The following KCND2 variants were observed in gnomAD, a reference collection of about 807,000 sequenced individuals.
The protein encoded by KCND2 is potassium voltage-gated channel subfamily D member 2, also known as A-type voltage-gated potassium channel KCND2.
A neutral mutation model predicts 54.4 loss-of-function variants in KCND2; 16 were observed. That is an observed-to-expected ratio of 0.29 (90% CI 0.20 to 0.45). KCND2 has a LOEUF of 0.45. KCND2 is among the 20% of genes least tolerant of loss of function. The pLI is 1.00. For missense variants in KCND2, 486 were observed against 824.2 expected (o/e 0.59, Z 5.02); for synonymous variants, 317 against 310.7 (o/e 1.02, Z -0.21).
At position 120,703,726 on chromosome 7, in the gene KCND2, T is replaced by C. The variant is rs1792431557; in HGVS notation, c.1116-29177T>C. Among the ~76,000 whole-genome samples, 5 of 152,142 alleles carry C rather than the reference T, an allele frequency of 3.3e-5. No individual in the cohort carries two copies. The South Asian group carries it at 1.0e-3, about 31-fold the overall frequency. On this transcript the variant is annotated intron_variant, in intron 1 of 5. Transcript: ENST00000331113. ...CTGCAGGAGGAGAAATGCTGATACA[T>C]TGCAGGTGACACTGGCCACACTGTG...
intron 1 of KCND2, among the ~76,000 whole-genome samples, chr7:120,351,776 C>A (rs886432547): frequency 6.6e-6 from 1 of 151,808 alleles, no homozygotes; most frequent in Non-Finnish European, 1.5e-5. Flanking sequence ...CTGCTATTTT[C>A]TTTTCTTTTC....
At chr7:120,551,661 G>A (rs893973865) in intron 1 of KCND2, among the ~76,000 whole-genome samples, 4 of 152,154 alleles carry the variant, frequency 2.6e-5, no homozygotes, top group East Asian at 1.9e-4. Flanking sequence ...TTCCTTAATA[G>A]GTAAACCATG....
intron 1 of KCND2, among the ~76,000 whole-genome samples, chr7:120,466,150 G>A (rs1024070777): frequency 1.3e-5 from 2 of 152,172 alleles, no homozygotes; most frequent in African/African-American, 2.4e-5. Flanking sequence ...TTGCCCAAAT[G>A]TGTTCTTGGA....
At chr7:120,640,195 T>G (rs1263968937) in intron 1 of KCND2, among the ~76,000 whole-genome samples, 1 of 152,134 alleles carries the variant, frequency 6.6e-6, no homozygotes, top group Non-Finnish European at 1.5e-5. Context: ...TTTTAGATGA[T>G]ATATATAAAT....
At chr7:120,443,241 A>G in intron 1 of KCND2, among the ~76,000 whole-genome samples, 1 of 152,016 alleles carries the variant, frequency 6.6e-6, no homozygotes, top group East Asian at 1.9e-4. Context: ...ATAGAAGAAT[A>G]AATTCTGGCT....
chr7:120,486,782 T>G (rs1802700717), intron 1 of KCND2, among the ~76,000 whole-genome samples: 1 of 151,918 alleles, frequency 6.6e-6, no homozygotes, highest in African/African-American at 2.4e-5. Flanking sequence ...AAAATACTAC[T>G]ACCTACCAAA....
chr7:120,662,190 T>C (rs1432611777), intron 1 of KCND2, among the ~76,000 whole-genome samples: 1 of 152,110 alleles, frequency 6.6e-6, no homozygotes, highest in Non-Finnish European at 1.5e-5. Flanking sequence ...AGAGGTAAAA[T>C]TTTTCCTCCC....
At chr7:120,306,777 T>A (rs1799655879) in intron 1 of KCND2, among the ~76,000 whole-genome samples, 1 of 151,804 alleles carries the variant, frequency 6.6e-6, no homozygotes, top group African/African-American at 2.4e-5. Flanking sequence ...CAATTGAATA[T>A]TTTTTTTAAA....
chr7:120,636,060 A>C (rs1349852665), intron 1 of KCND2, among the ~76,000 whole-genome samples: 2 of 152,180 alleles, frequency 1.3e-5, no homozygotes, highest in Admixed American at 1.3e-4. Flanking sequence ...CTGTCCAAGT[A>C]AAGTGGTTCC....
intron 1 of KCND2, among the ~76,000 whole-genome samples, chr7:120,677,422 G>T (rs112269181): frequency 2.6e-5 from 4 of 151,908 alleles, no homozygotes; most frequent in Non-Finnish European, 4.4e-5. Context: ...AGTCCCAAAG[G>T]TTCCATATCC....
intron 1 of KCND2, among the ~76,000 whole-genome samples, chr7:120,530,811 TC>T (rs1791834369): frequency 6.6e-6 from 1 of 152,164 alleles, no homozygotes; most frequent in Admixed American, 6.6e-5. Context: ...TACCTGCAAT[TC>T]GTTGACACTA....
chr7:120,706,289 T>C (rs1442401912), intron 1 of KCND2, among the ~76,000 whole-genome samples: 2 of 152,126 alleles, frequency 1.3e-5, no homozygotes, highest in African/African-American at 4.8e-5. Context: ...AATAAGGGGA[T>C]TGTTTTAACC....
chr7:120,424,904 A>G (rs542608754), intron 1 of KCND2, among the ~76,000 whole-genome samples: 4 of 152,356 alleles, frequency 2.6e-5, no homozygotes, highest in South Asian at 2.1e-4. Flanking sequence ...TTGTGCTTTC[A>G]TGCAATGCAG....
intron 1 of KCND2, among the ~76,000 whole-genome samples, chr7:120,644,077 C>A (rs1206255239): frequency 6.6e-6 from 1 of 151,940 alleles, no homozygotes; most frequent in Non-Finnish European, 1.5e-5. Flanking sequence ...TAAATTATAT[C>A]CCATTCTCAT....
intron 1 of KCND2, among the ~76,000 whole-genome samples, chr7:120,457,068 C>G (rs377405558): frequency 6.6e-6 from 1 of 152,184 alleles, no homozygotes; most frequent in Admixed American, 6.5e-5. Flanking sequence ...GGTATACATT[C>G]GCCCCTTTTG....
intron 1 of KCND2, among the ~76,000 whole-genome samples, chr7:120,535,777 G>A (rs996815345): frequency 2.0e-5 from 3 of 152,182 alleles, no homozygotes; most frequent in Admixed American, 6.6e-5. Context: ...TGTCACTGAG[G>A]ATAGGAAATA....
chr7:120,712,241 A>ATTT lies in KCND2; in HGVS notation c.1116-20624_1116-20622dup, dbSNP rs869059871. On this transcript the variant is annotated intron_variant, in intron 1 of 5. Coordinates refer to ENST00000331113, the MANE Select transcript of KCND2 (RefSeq NM_012281.3). ...TTTTCTTTGAATTTTGGATATCTGA[A>ATTT]TTTTTTTTTTTTTTTTTTTTTTTTT... Among the ~76,000 whole-genome samples, 61 of 34,784 alleles carry ATTT rather than the reference A, an allele frequency of 1.8e-3. 21 individuals carry two copies. Among genetic ancestry groups the ATTT allele is most frequent in the Non-Finnish European group, 2.3e-3 (43 of 18,962 alleles). 22.8% of individuals were successfully genotyped at this position (34,784 alleles called of 152,430 possible).
intron 1 of KCND2, among the ~76,000 whole-genome samples, chr7:120,366,485 T>TAA (rs550268149): frequency 1.1e-5 from 1 of 87,130 alleles, no homozygotes; most frequent in Non-Finnish European, 2.3e-5. Context: ...AAGACTCCAT[T>TAA]AAAAAAAAAA....
rs539180016 is a variant in KCND2 at position 120,748,835 on chromosome 7, T to C, written c.*977T>C. 1.1e-4 allele frequency: 16 copies of C among 152,082 alleles called. No homozygotes were observed. Among genetic ancestry groups the C allele is most frequent in the African/African-American group, 3.1e-4 (13 of 41,564 alleles). The allele number at this position is 152,082 out of a possible 1,614,324, so 9.4% of individuals were successfully genotyped here. ...TCTGTTCTTGTATTTCTATAGCACC[T>C]CTCTATTGGGTTTATCATCATCAAC... is the stretch of plus-strand genomic sequence containing the variant. On this transcript the variant is annotated 3_prime_UTR_variant, in exon 6 of 6. Coordinates refer to ENST00000331113, the MANE Select transcript of KCND2 (RefSeq NM_012281.3).
Sources: gnomAD v4.1 joint callset for allele counts (sites outside exome capture counted in the v4.1 genomes callset) on GRCh38, gnomAD v4.1.1 for gene constraint, MANE v1.5 for transcripts, NCBI Gene and HGNC (gene_info 2026-07-23, HGNC 2026-07-21) for gene names.